The following ANO1 variants were observed in gnomAD, a reference collection of about 807,000 sequenced individuals.
ANO1 encodes the protein anoctamin 1.
In ANO1, 59 loss-of-function variants were observed where a neutral mutation model predicts 124.0. The ratio of observed to expected loss-of-function variants is 0.48; its 90% confidence interval spans 0.39 to 0.59. The LOEUF (loss-of-function observed/expected upper bound fraction) is 0.59. Among genes scored for constraint, ANO1 ranks in the 20% least tolerant of loss-of-function variants. The pLI is 0.00. For synonymous variants in ANO1, 529 were observed against 532.0 expected, an observed-to-expected ratio of 0.99 and a Z score of 0.08; for missense variants, 1,059 against 1,328.0, an observed-to-expected ratio of 0.80 and a Z score of 3.15.
At chr11:70,030,452 C>A (rs141737293) in intron 1 of ANO1, among the ~76,000 whole-genome samples, 1,625 of 152,334 alleles carry the variant, frequency 0.011, 12 homozygotes, top group Non-Finnish European at 0.014. Flanking sequence ...GAAATTCATT[C>A]TTTTCAGCCC....
chr11:70,078,649 C>T lies in ANO1; in HGVS notation c.43C>T (p.Arg15Cys), dbSNP rs199763025. The T allele has an allele frequency of 6.5e-5, 98 of 1,502,024 alleles. No homozygotes were observed. In the Middle Eastern group the frequency reaches 9.0e-4, roughly 14 times the overall value. The allele number at this position is 1,502,024 out of a possible 1,614,324, so 93.0% of individuals were successfully genotyped here. A position where few individuals can be genotyped will look rare whatever the true frequency, so the allele number is the denominator to read the frequency against. Residue 15 changes from arginine (R) to cysteine (C), a missense_variant, in exon 1 of 26, where the codon CGC becomes TGC. Arg to Cys is a radical substitution (Grantham distance 180). This residue lies in a region of ANO1 where 250 missense variants were observed against 233.1 expected (regional missense o/e 1.07). Transcript: ENST00000355303. ...GTACTCGACGCTCCCGGCCGAGGAC[C>T]GCAGCGTCCACATCATCAACATCTG... ...EKYSTLPAEDRSVHIINICAI... is the reference protein window; with the variant it reads ...EKYSTLPAEDCSVHIINICAI...
chr11:70,169,556 C>T (rs1386523950), intron 21 of ANO1, among the ~76,000 whole-genome samples: 1 of 151,670 alleles, frequency 6.6e-6, no homozygotes, highest in African/African-American at 2.4e-5. Flanking sequence ...TGAGGAAGCC[C>T]ACCCTGCTGA....
rs562093110 is a variant in ANO1, at chr11:70,037,274, G to C, written c.59-41268G>C. Reference sequence around the variant, plus strand: ...GACCTGGGCAATACTCAGTGGAGCAGGGCAGGTGGGGGTTTGGAATTGGTC... The same window carrying C: ...GACCTGGGCAATACTCAGTGGAGCACGGCAGGTGGGGGTTTGGAATTGGTC... On this transcript the variant is annotated intron_variant, in intron 1 of 27. Coordinates refer to the ANO1 transcript ENST00000531349. Among the ~76,000 whole-genome samples, 29 of 152,250 alleles carry C rather than the reference G, an allele frequency of 1.9e-4. No individual in the cohort carries two copies. The East Asian group carries it at 3.1e-3, about 16-fold the overall frequency.
intron 1 of ANO1, 139 bp downstream of exon 1, chr11:70,078,853 C>T: frequency 3.1e-6 from 1 of 326,564 alleles, no homozygotes; most frequent in Admixed American, 5.8e-5. Flanking sequence ...CGGCGCCCAC[C>T]CGCGCACGTG....
At chr11:69,975,612 G>T in the ANO1 span, among the ~76,000 whole-genome samples, 2 of 152,198 alleles carry the variant, frequency 1.3e-5, no homozygotes, top group African/African-American at 4.8e-5. Flanking sequence ...CCCCTCACTT[G>T]GTCCTAGGAA....
intron 1 of ANO1, among the ~76,000 whole-genome samples, chr11:70,020,407 C>T (rs1434203504): frequency 6.6e-6 from 1 of 152,186 alleles, no homozygotes; most frequent in East Asian, 1.9e-4. Flanking sequence ...ACCCTCTTGC[C>T]AGATGCCTTT....
intron 1 of ANO1, among the ~76,000 whole-genome samples, chr11:70,024,393 G>A (rs144428026): frequency 1.6e-3 from 237 of 152,296 alleles, no homozygotes; most frequent in Non-Finnish European, 2.6e-3. Context: ...GGACAAGAAC[G>A]GCACAAGGGA....
chr11:70,049,909 C>T (rs1262598679), intron 1 of ANO1, among the ~76,000 whole-genome samples: 1 of 152,170 alleles, frequency 6.6e-6, no homozygotes, highest in African/African-American at 2.4e-5. Flanking sequence ...TTAGTAGAGA[C>T]AGGGTTTCAC....
the ANO1 span, among the ~76,000 whole-genome samples, chr11:69,968,028 C>T: frequency 6.6e-6 from 1 of 152,176 alleles, no homozygotes; most frequent in African/African-American, 2.4e-5. Context: ...TGAGGGCCTT[C>T]CTGGCATCAG....
At chr11:69,973,387 G>A in the ANO1 span, among the ~76,000 whole-genome samples, 5 of 152,146 alleles carry the variant, frequency 3.3e-5, no homozygotes, top group East Asian at 1.9e-4. Flanking sequence ...CCGAGGGATC[G>A]GAGGTGCTCC....
chr11:70,094,600 G>C (rs966790935), intron 2 of ANO1, among the ~76,000 whole-genome samples: 1 of 152,222 alleles, frequency 6.6e-6, no homozygotes, highest in African/African-American at 2.4e-5. Context: ...TCGATCCTGA[G>C]CTGAGAGTGG....
intron 5 of ANO1, 49 bp from the exon 6 acceptor site, chr11:70,108,304 G>A: frequency 6.3e-7 from 1 of 1,578,694 alleles, no homozygotes; most frequent in Non-Finnish European, 8.7e-7. Flanking sequence ...TTCTGCTCGT[G>A]GAAGGTGCCT....
intron 1 of ANO1, among the ~76,000 whole-genome samples, chr11:69,997,653 G>A (rs1856297372): frequency 6.6e-6 from 1 of 152,220 alleles, no homozygotes; most frequent in Non-Finnish European, 1.5e-5. Flanking sequence ...CTGGAGGAGG[G>A]GCCTGGTGGG....
At chr11:70,035,581 A>G (rs1376112477) in intron 1 of ANO1, among the ~76,000 whole-genome samples, 2 of 151,478 alleles carry the variant, frequency 1.3e-5, no homozygotes, top group Non-Finnish European at 2.9e-5. Flanking sequence ...CAGGTTTGTT[A>G]CATAGGTATA....
intron 3 of ANO1, 98 bp from the exon 4 acceptor site, chr11:70,103,901 C>A: frequency 7.4e-7 from 1 of 1,350,478 alleles, no homozygotes; most frequent in Non-Finnish European, 1.0e-6. Flanking sequence ...CGCCCCGTTG[C>A]ATGGGGTGGG....
At chr11:70,170,346 T>G (rs2048414240) in intron 21 of ANO1, among the ~76,000 whole-genome samples, 1 of 152,248 alleles carries the variant, frequency 6.6e-6, no homozygotes, top group South Asian at 2.1e-4. Context: ...GGCTCATGCC[T>G]GGAATCCCAG....
rs767549180 is a variant in ANO1 at position 70,105,767 on chromosome 11, C to T, written c.726C>T (p.Asp242=). 31 of 1,613,454 alleles carry T rather than the reference C, an allele frequency of 1.9e-5. No homozygotes were observed. Among genetic ancestry groups the T allele is most frequent in the Middle Eastern group, 1.7e-4 (1 of 6,044 alleles). The part of the protein sequence containing the change: ...FDLSDKDSFF[D]SKTRSTIVYE... ...TGTCTGATAAGGATTCCTTTTTCGA[C>T]AGCAAAACCCGGAGCACGATTGTAA... The change falls in exon 5 of 26, where the codon GAC becomes GAT. Residue 242 remains aspartate, a synonymous_variant. Coordinates refer to ENST00000355303, the MANE Select transcript of ANO1 (RefSeq NM_018043.7).
intron 2 of ANO1, among the ~76,000 whole-genome samples, chr11:70,099,917 C>A (rs993644151): frequency 6.6e-6 from 1 of 152,192 alleles, no homozygotes; most frequent in Admixed American, 6.5e-5. Flanking sequence ...CAATCTGCCC[C>A]TCGAGGGCCA....
intron 1 of ANO1, among the ~76,000 whole-genome samples, chr11:70,025,710 G>GTGA (rs138981099): frequency 0.76 from 105,354 of 137,906 alleles, 40,695 homozygotes; most frequent in East Asian, 0.93. Context: ...GGTGGTGATG[G>GTGA]TGATGATGAT....
Sources: allele counts gnomAD v4.1 joint callset (sites outside exome capture counted in the v4.1 genomes callset), GRCh38; gene constraint gnomAD v4.1.1; regional missense constraint gnomAD v4.1.1; transcripts MANE v1.5; gene names NCBI Gene and HGNC (gene_info 2026-07-23, HGNC 2026-07-21).